The following GRAMD1C variants were observed in gnomAD, a reference collection of about 807,000 sequenced individuals.
GRAMD1C encodes the protein protein Aster-C.
In GRAMD1C, 89 loss-of-function variants were observed where a neutral mutation model predicts 97.8. The ratio of observed to expected loss-of-function variants is 0.91; its 90% CI spans 0.77 to 1.09. The LOEUF (loss-of-function observed/expected upper bound fraction) is 1.09, where lower values mean the gene tolerates loss of function less well. GRAMD1C is among the 50% of genes least tolerant of loss of function. The pLI, the probability that GRAMD1C is intolerant of heterozygous loss-of-function variation, is 0.00. For synonymous variants in GRAMD1C, 256 were observed against 267.0 expected (o/e 0.96, Z 0.40); for missense variants, 740 against 766.4 (o/e 0.97, Z 0.41).
At chr3:113,828,512 C>T (rs1709515855) in intron 1 of GRAMD1C, among the ~76,000 whole-genome samples, 1 of 152,136 alleles carries the variant, frequency 6.6e-6, no homozygotes, top group Admixed American at 6.6e-5. Context: ...CACCAATGGG[C>T]CCAAGAAAAA....
chr3:113,892,643 C>A lies in GRAMD1C; in HGVS notation c.541-8388C>A, dbSNP rs562767079. 3.4e-3 allele frequency among the ~76,000 whole-genome samples: 525 copies of A among 152,292 alleles called. 1 individual carries two copies. Among genetic ancestry groups the A allele is most frequent in the Non-Finnish European group, 5.4e-3 (367 of 68,022 alleles). ...ATTCGTGACATAATTTATAGCGCTT[C>A]AGCTTAGTTCACAGTCTGTGAGTTT... On this transcript the variant is annotated intron_variant, in intron 6 of 17. Coordinates refer to ENST00000358160, the MANE Select transcript of GRAMD1C (RefSeq NM_017577.5).
At chr3:113,920,527 TA>T (rs1485162886) in intron 10 of GRAMD1C, among the ~76,000 whole-genome samples, 4 of 152,008 alleles carry the variant, frequency 2.6e-5, no homozygotes, top group Non-Finnish European at 5.9e-5. Flanking sequence ...TAAATAAAAT[TA>T]GGGGGTCTTT....
intron 2 of GRAMD1C, among the ~76,000 whole-genome samples, chr3:113,865,029 T>C (rs1432669328): frequency 6.6e-6 from 1 of 152,200 alleles, no homozygotes; most frequent in African/African-American, 2.4e-5. Context: ...CTCATGGTTC[T>C]GGAGGATGGA....
In GRAMD1C at chr3:113,945,409, A is replaced by T; in HGVS notation, c.1920A>T (p.Ser640=). The T allele has an allele frequency of 6.4e-7, 1 of 1,574,254 alleles. No homozygotes were observed. Among genetic ancestry groups the T allele is most frequent in the Non-Finnish European group, 8.7e-7 (1 of 1,146,136 alleles). ...SIVMLEQLKS[S]LIMLQKTFDL... is the part of the protein sequence containing the mutation. ...AACTTTGTTTACAGCTGAAGAGCTC[A>T]CTCATTATGCTTCAGAAAACGTTTG... Residue 640 remains serine (S), a synonymous_variant, in exon 18 of 18, where the codon TCA becomes TCT. Coordinates refer to ENST00000358160, the MANE Select transcript of GRAMD1C (RefSeq NM_017577.5).
intron 1 of GRAMD1C, among the ~76,000 whole-genome samples, chr3:113,831,878 A>C (rs916351169): frequency 6.6e-6 from 1 of 152,082 alleles, no homozygotes; most frequent in African/African-American, 2.4e-5. Flanking sequence ...GCATATATGA[A>C]ATAGTTGATT....
intron 16 of GRAMD1C, 44 bp downstream of exon 16, chr3:113,940,040 G>T: frequency 9.1e-7 from 1 of 1,102,794 alleles, no homozygotes; most frequent in Non-Finnish European, 1.4e-6. Flanking sequence ...TATTATTTCA[G>T]TAATTCTTCA....
intron 6 of GRAMD1C, chr3:113,885,332 C>T: frequency 1.3e-6 from 2 of 1,589,612 alleles, no homozygotes; most frequent in South Asian, 2.2e-5. Flanking sequence ...GGACTGCGCA[C>T]GTTCGTGGCC....
At chr3:113,842,516 CCT>C (rs1933375542) in intron 1 of GRAMD1C, among the ~76,000 whole-genome samples, 1 of 151,812 alleles carries the variant, frequency 6.6e-6, no homozygotes, top group African/African-American at 2.4e-5. Context: ...TTGGTTTCTC[CCT>C]CTCTTTTTGG....
At chr3:113,837,653 G>A (rs372520950), upstream of GRAMD1C, among the ~76,000 whole-genome samples, 52 of 152,126 alleles carry the variant, frequency 3.4e-4, no homozygotes, top group South Asian at 0.011. Flanking sequence ...TTGGGAGGCC[G>A]AAGGGGGCAG....
Position 113,838,853 on chromosome 3 carries a change from C to T in GRAMD1C, c.-57C>T. 2 of 1,204,102 alleles carry T rather than the reference C, an allele frequency of 1.7e-6. No individual in the cohort carries two copies. Among genetic ancestry groups the T allele is most frequent in the Non-Finnish European group, 2.1e-6 (2 of 963,670 alleles). The allele number at this position is 1,204,102 out of a possible 1,614,324, so 74.6% of individuals were successfully genotyped here. A position where few individuals can be genotyped will look rare whatever the true frequency, so the allele number is the denominator to read the frequency against. On this transcript the variant is annotated 5_prime_UTR_variant, in exon 1 of 18. Coordinates refer to ENST00000358160, the MANE Select transcript of GRAMD1C (RefSeq NM_017577.5). ...TCGCAGCGCGCGCTGGAGGTGGGCG[C>T]GGGGCGGTGCGGTGCGGTGCGCGCG... is the stretch of plus-strand genomic sequence containing the variant.
At chr3:113,857,486 C>T (rs1220575565) in intron 2 of GRAMD1C, among the ~76,000 whole-genome samples, 31 of 151,686 alleles carry the variant, frequency 2.0e-4, no homozygotes, top group African/African-American at 7.3e-4. Flanking sequence ...CACCATTCTC[C>T]TGCCTCAGCC....
At chr3:113,885,542 G>T in intron 6 of GRAMD1C, 2 of 1,602,408 alleles carry the variant, frequency 1.2e-6, no homozygotes, top group Non-Finnish European at 1.7e-6. Flanking sequence ...GGGGTCCTGA[G>T]GCCGCAGTCC....
intron 10 of GRAMD1C, among the ~76,000 whole-genome samples, chr3:113,928,071 G>A (rs1445662352): frequency 6.6e-6 from 1 of 152,072 alleles, no homozygotes; most frequent in East Asian, 1.9e-4. Context: ...CAATCCTCCA[G>A]GGAGCTCTCA....
At chr3:113,869,689 A>G in intron 3 of GRAMD1C, 98 bp downstream of exon 3, 1 of 627,234 alleles carries the variant, frequency 1.6e-6, no homozygotes, top group Non-Finnish European at 2.8e-6. Context: ...CCTTTATGCT[A>G]GACAGAATAT....
chr3:113,938,161 A>G lies in GRAMD1C; in HGVS notation c.1691+18A>G. On this transcript the variant is annotated intron_variant, in intron 15 of 17. Transcript: ENST00000358160. ...AGTATTTTGTAAGTATTTGTTGTGAATGCTTATTTTGCTTGTTTCAGCATT... is the reference window on the plus strand; with the variant it reads ...AGTATTTTGTAAGTATTTGTTGTGAGTGCTTATTTTGCTTGTTTCAGCATT... 1 of 1,276,806 alleles carries G rather than the reference A, an allele frequency of 7.8e-7. No individual in the cohort carries two copies. The highest frequency in any genetic ancestry group is 1.5e-5 in the African/African-American group (1 of 65,964). 79.1% of individuals were successfully genotyped at this position (1,276,806 alleles called of 1,614,324 possible).
At chr3:113,865,982 A>G (rs2107362259) in intron 2 of GRAMD1C, among the ~76,000 whole-genome samples, 1 of 152,178 alleles carries the variant, frequency 6.6e-6, no homozygotes, top group South Asian at 2.1e-4. Flanking sequence ...ATTTACTGAA[A>G]CTTGTTTTGT....
Position 113,844,486 on chromosome 3 carries a change from T to C in GRAMD1C, c.28-17T>C, listed in dbSNP as rs777038032. ...TTTCTCAATAAATAATTGACTTAGT[T>C]TGATATTTGTTTCCAGGTGATGAAT... On this transcript the variant is annotated splice_polypyrimidine_tract_variant and intron_variant, in intron 1 of 17. Coordinates refer to ENST00000358160, the MANE Select transcript of GRAMD1C (RefSeq NM_017577.5). The C allele has an allele frequency of 3.2e-6, 5 of 1,564,610 alleles. No homozygotes were observed. The highest frequency in any genetic ancestry group is 4.4e-6 in the Non-Finnish European group (5 of 1,141,962).
At chr3:113,911,180 A>ACACACACACACACG (rs1330757724) in intron 9 of GRAMD1C, among the ~76,000 whole-genome samples, 28 of 151,468 alleles carry the variant, frequency 1.8e-4, no homozygotes, top group Admixed American at 1.8e-3. Flanking sequence ...AGAGACACAC[A>ACACACACACACACG]CACACACACG....
chr3:113,926,019 A>G (rs1937219651), intron 10 of GRAMD1C, among the ~76,000 whole-genome samples: 2 of 152,104 alleles, frequency 1.3e-5, no homozygotes, highest in African/African-American at 4.8e-5. Context: ...GAATCTGATG[A>G]CTAAGTGTCT....
Sources: allele counts gnomAD v4.1 joint callset (sites outside exome capture counted in the v4.1 genomes callset), GRCh38; gene constraint gnomAD v4.1.1; transcripts MANE v1.5; gene names NCBI Gene and HGNC (gene_info 2026-07-23, HGNC 2026-07-21).